SOBP: variants seen among roughly 807,000 people sequenced by gnomAD.
The protein encoded by SOBP is sine oculis-binding protein homolog.
A neutral mutation model predicts 53.6 loss-of-function variants in SOBP; 4 were observed. That is an observed-to-expected ratio of 0.07 (90% CI 0.04 to 0.17). SOBP has a LOEUF of 0.17. SOBP is among the 10% of genes least tolerant of loss of function. The pLI is 1.00. For synonymous variants in SOBP, 584 were observed against 522.6 expected (o/e 1.12, Z -1.60); for missense variants, 1,088 against 1,204.7 (o/e 0.90, Z 1.43).
intron 4 of SOBP, among the ~76,000 whole-genome samples, chr6:107,563,333 G>A (rs1333983478): frequency 1.3e-5 from 2 of 152,130 alleles, no homozygotes; most frequent in Non-Finnish European, 2.9e-5. Context: ...AAAACTTTAT[G>A]TTATTTGAGA....
intron 1 of SOBP, among the ~76,000 whole-genome samples, chr6:107,496,004 C>T (rs372042254): frequency 6.6e-6 from 1 of 151,656 alleles, no homozygotes; most frequent in African/African-American, 2.4e-5. Context: ...AAAAAAAACA[C>T]GGAAGACTTT....
At chr6:107,499,683 TTA>T (rs1782787690) in intron 1 of SOBP, among the ~76,000 whole-genome samples, 1 of 152,244 alleles carries the variant, frequency 6.6e-6, no homozygotes, top group Non-Finnish European at 1.5e-5. Context: ...ATTTTATTTC[TTA>T]TATAAGTAGA....
chr6:107,594,027 A>C (rs1432148010), intron 5 of SOBP, among the ~76,000 whole-genome samples: 1 of 152,180 alleles, frequency 6.6e-6, no homozygotes, highest in African/African-American at 2.4e-5. Flanking sequence ...GGATAATCTA[A>C]AGTTTCCAAA....
rs1467492071 is a variant in SOBP, at chr6:107,544,323, CTATT to C, written c.573+10721_573+10724del. On this transcript the variant is annotated intron_variant, in intron 4 of 6. Transcript: ENST00000317357. ...GCAGCTTTCACCATTATTAATTAATCTATTTATTTATGCATTCAACAAATATTTG... is the reference window on the plus strand; with the variant it reads ...GCAGCTTTCACCATTATTAATTAATCTATTTATGCATTCAACAAATATTTG... Among the ~76,000 whole-genome samples the C allele has an allele frequency of 2.6e-5, 4 of 152,292 alleles. No homozygotes were observed. In the East Asian group the frequency reaches 7.7e-4, roughly 29 times the overall value.
At chr6:107,514,374 A>G (rs1283232116) in intron 3 of SOBP, 1 of 152,212 alleles carries the variant, frequency 6.6e-6, no homozygotes, top group Non-Finnish European at 1.5e-5. Flanking sequence ...GGGAAATGGC[A>G]CCTGAAACTT....
chr6:107,540,786 C>G (rs1360715859), intron 4 of SOBP, among the ~76,000 whole-genome samples: 1 of 152,160 alleles, frequency 6.6e-6, no homozygotes, highest in African/African-American at 2.4e-5. Context: ...TGTGTTGTCT[C>G]ATTGCTAACA....
At chr6:107,649,336 T>G (rs1019396886) in intron 6 of SOBP, among the ~76,000 whole-genome samples, 4 of 151,486 alleles carry the variant, frequency 2.6e-5, no homozygotes, top group African/African-American at 9.7e-5. Context: ...CAGAAAAAAA[T>G]TAGCCAGGCT....
At position 107,635,371 on chromosome 6, in the gene SOBP, T is replaced by C; in HGVS notation, c.2527T>C (p.Cys843Arg). The C allele has an allele frequency of 6.2e-7, 1 of 1,613,514 alleles. No homozygotes were observed. Among genetic ancestry groups the C allele is most frequent in the Non-Finnish European group, 8.5e-7 (1 of 1,180,012 alleles). Reference sequence around the variant, plus strand: ...CGCGGAGAAGGCTGCCATGGCACCGTGCATCATCTCCTCGCCCATGCTCAG... The same window carrying C: ...CGCGGAGAAGGCTGCCATGGCACCGCGCATCATCTCCTCGCCCATGCTCAG... ...KPAEKAAMAP[C>R]IISSPMLSAG... The change falls in exon 6 of 7, where the codon TGC (cysteine) becomes CGC (arginine). Residue 843 changes from cysteine to arginine, a missense_variant. Around this residue, in one of 6 missense-constraint regions of SOBP, gnomAD observed 665 missense variants for 629.7 expected, o/e 1.06. Coordinates refer to ENST00000317357, the MANE Select transcript of SOBP (RefSeq NM_018013.4). The surrounding 1 kb of genome is among the most constrained non-coding windows in gnomAD (Gnocchi z 4.5).
chr6:107,511,693 T>C (rs1306762583), intron 3 of SOBP: 1 of 152,272 alleles, frequency 6.6e-6, no homozygotes, highest in Non-Finnish European at 1.5e-5. Context: ...TGTAGCTTAC[T>C]TCTGGGCCTG....
At chr6:107,626,046 C>T (rs1770445906) in intron 5 of SOBP, among the ~76,000 whole-genome samples, 1 of 151,892 alleles carries the variant, frequency 6.6e-6, no homozygotes, top group African/African-American at 2.4e-5. Flanking sequence ...GGAAGAAAAA[C>T]AGTGACACAA....
intron 6 of SOBP, among the ~76,000 whole-genome samples, chr6:107,644,073 G>A (rs1269421993): frequency 8.5e-5 from 13 of 152,154 alleles, no homozygotes; most frequent in Admixed American, 3.3e-4. Context: ...AGGCCAAGGC[G>A]GGTGGATCAG....
rs541663369 is a variant in SOBP, at chr6:107,491,016, G to C, written c.96+304G>C. ...GGGACTCGAGCGGCGTTGGGCAGGG[G>C]AAGAGGCTTTCCCAGTGGACGGTGC... is the stretch of plus-strand genomic sequence containing the variant. On this transcript the variant is annotated intron_variant, in intron 1 of 6. Coordinates refer to ENST00000317357, the MANE Select transcript of SOBP (RefSeq NM_018013.4). Among the ~76,000 whole-genome samples the C allele has an allele frequency of 5.3e-5, 8 of 152,256 alleles. No individual in the cohort carries two copies. The East Asian group carries it at 1.5e-3, about 29-fold the overall frequency.
chr6:107,518,050 A>G (rs557538520), intron 3 of SOBP, among the ~76,000 whole-genome samples: 23 of 152,328 alleles, frequency 1.5e-4, no homozygotes, highest in African/African-American at 5.5e-4. Context: ...AATCTTTCCA[A>G]AGAATGAAAA....
intron 4 of SOBP, among the ~76,000 whole-genome samples, chr6:107,535,727 A>G (rs957694351): frequency 6.6e-6 from 1 of 151,592 alleles, no homozygotes; most frequent in Non-Finnish European, 1.5e-5. Flanking sequence ...CTCTGTTACA[A>G]TATTATATTG....
At chr6:107,628,501 C>T (rs558734411) in intron 5 of SOBP, among the ~76,000 whole-genome samples, 2 of 152,334 alleles carry the variant, frequency 1.3e-5, no homozygotes, top group Non-Finnish European at 2.9e-5. Flanking sequence ...TTTCCCTCTT[C>T]CTGCAGCCAT....
chr6:107,531,993 A>C (rs1035512951), intron 3 of SOBP, among the ~76,000 whole-genome samples: 3 of 152,092 alleles, frequency 2.0e-5, no homozygotes, highest in African/African-American at 7.2e-5. Flanking sequence ...CCTCAAACCA[A>C]ATCTTTTCCC....
chr6:107,495,772 G>T (rs1359723336), intron 1 of SOBP, among the ~76,000 whole-genome samples: 4 of 152,024 alleles, frequency 2.6e-5, no homozygotes, highest in Admixed American at 6.6e-5. Flanking sequence ...CTCTTGTTAG[G>T]GTAACCAAAC....
chr6:107,595,488 G>A (rs1785916084), intron 5 of SOBP, among the ~76,000 whole-genome samples: 1 of 151,526 alleles, frequency 6.6e-6, no homozygotes, highest in African/African-American at 2.4e-5. Context: ...ATTAGCATAT[G>A]GGAGTCAGTC....
chr6:107,605,350 G>C (rs750671528), intron 5 of SOBP, among the ~76,000 whole-genome samples: 1 of 152,244 alleles, frequency 6.6e-6, no homozygotes, highest in Non-Finnish European at 1.5e-5. Flanking sequence ...AGGTGCTGGG[G>C]TTCAGGGGCC....
Sources: gnomAD v4.1 joint callset for allele counts (sites outside exome capture counted in the v4.1 genomes callset) on GRCh38, gnomAD v4.1.1 for gene constraint, gnomAD v4.1.1 regional missense constraint, Gnocchi (gnomAD v3.1) non-coding constraint, MANE v1.5 for transcripts, NCBI Gene and HGNC (gene_info 2026-07-23, HGNC 2026-07-21) for gene names.